The following PCDHGB3 variants were observed in gnomAD, a reference collection of about 807,000 sequenced individuals.
PCDHGB3 encodes protocadherin gamma-B3.
In PCDHGB3, 40 loss-of-function variants were observed where a neutral mutation model predicts 59.2. The observed-to-expected ratio is 0.68, with a 90% CI of 0.52 to 0.88. The LOEUF (loss-of-function observed/expected upper bound fraction) is 0.88, where lower values mean the gene tolerates loss of function less well. Among genes scored for constraint, PCDHGB3 ranks in the 40% least tolerant of loss-of-function variants. The pLI, the probability that PCDHGB3 is intolerant of heterozygous loss-of-function variation, is 0.00. For synonymous variants in PCDHGB3, 581 were observed against 503.6 expected (o/e 1.15, Z -2.06); for missense variants, 1,309 against 1,187.9 (o/e 1.10, Z -1.50).
chr5:141,376,736 G>T (rs1158010904), intron 1 of PCDHGB3: 1 of 522,720 alleles, frequency 1.9e-6, no homozygotes, highest in Non-Finnish European at 3.2e-6. Flanking sequence ...CCGGACTGCG[G>T]ACTGCAGTGG....
At chr5:141,499,115 C>T (rs940275925) in intron 2 of PCDHGB3, among the ~76,000 whole-genome samples, 16 of 152,124 alleles carry the variant, frequency 1.1e-4, no homozygotes, top group African/African-American at 3.9e-4. Context: ...CACCACTATC[C>T]CTTCTCAGGT....
At chr5:141,379,960 T>C (rs1490584684) in intron 1 of PCDHGB3, among the ~76,000 whole-genome samples, 1 of 140,094 alleles carries the variant, frequency 7.1e-6, no homozygotes, top group East Asian at 2.3e-4. Flanking sequence ...AATGCAGTGG[T>C]GTGATCTCTG....
chr5:141,466,646 T>C (rs954003023), intron 1 of PCDHGB3, among the ~76,000 whole-genome samples: 11 of 152,210 alleles, frequency 7.2e-5, no homozygotes, highest in African/African-American at 2.4e-4. Context: ...CATAAACTTT[T>C]CACAAAACAT....
In PCDHGB3 at chr5:141,487,762, T is replaced by C; in HGVS notation, c.2416-7045T>C. 6.5e-7 allele frequency: 1 copy of C among 1,545,432 alleles called. No homozygotes were observed. The highest frequency in any genetic ancestry group is 8.8e-7 in the Non-Finnish European group (1 of 1,142,332). ...TAAGAGGTAACTATGTGGTAGACGC[T>C]GTGCTTTGTAACTGTTTCGTGAATT... On this transcript the variant is annotated intron_variant, in intron 1 of 3. Coordinates refer to ENST00000576222, the MANE Select transcript of PCDHGB3 (RefSeq NM_018924.5). The surrounding 1 kb of genome is among the most constrained non-coding windows in gnomAD (Gnocchi z 5.0).
intron 1 of PCDHGB3, chr5:141,378,636 G>A (rs1775063094): frequency 6.6e-6 from 1 of 152,168 alleles, no homozygotes; most frequent in African/African-American, 2.4e-5. Context: ...CTGGTGAATG[G>A]GAGAACAAAT....
chr5:141,372,491 C>A lies in PCDHGB3; in HGVS notation c.2097C>A (p.Ile699=), dbSNP rs1413236125. The change falls in exon 1 of 4, where the codon ATC becomes ATA. Residue 699 remains isoleucine, a synonymous_variant. Coordinates refer to ENST00000576222, the MANE Select transcript of PCDHGB3 (RefSeq NM_018924.5). Reference sequence around the variant, plus strand: ...ACCTAGTAGTGGCGTTGGCCTTGATCTCAGTGCTCTTCCTCCTCGCGGTGA... The same window carrying A: ...ACCTAGTAGTGGCGTTGGCCTTGATATCAGTGCTCTTCCTCCTCGCGGTGA... ...QFHLVVALAL[I]SVLFLLAVIL... The A allele has an allele frequency of 1.2e-6, 2 of 1,613,944 alleles. No individual in the cohort carries two copies. Among genetic ancestry groups the A allele is most frequent in the Non-Finnish European group, 1.7e-6 (2 of 1,179,904 alleles).
At chr5:141,421,824 A>G in intron 1 of PCDHGB3, 1 of 1,613,768 alleles carries the variant, frequency 6.2e-7, no homozygotes, top group Non-Finnish European at 8.5e-7. Flanking sequence ...TACTGGAGGG[A>G]AGCCTGGACC....
chr5:141,436,638 A>G (rs2097838155), intron 1 of PCDHGB3, among the ~76,000 whole-genome samples: 1 of 152,194 alleles, frequency 6.6e-6, no homozygotes, highest in Non-Finnish European at 1.5e-5. Flanking sequence ...ACATGCAATT[A>G]ATTAACAGTA....
At chr5:141,412,987 A>T (rs192699644) in intron 1 of PCDHGB3, 1 of 564,522 alleles carries the variant, frequency 1.8e-6, no homozygotes, top group African/African-American at 1.9e-5. Flanking sequence ...GCCAGAGCTC[A>T]ATCCGGATTC....
Position 141,485,098 on chromosome 5 carries a change from A to G in PCDHGB3, c.2416-9709A>G, listed in dbSNP as rs2099606903. ...CGGGGAAAGGGAGATAGGTGTCTCCAGCTGCTGTGGCTGTTTGGGGCGGGT... is the reference window on the plus strand; with the variant it reads ...CGGGGAAAGGGAGATAGGTGTCTCCGGCTGCTGTGGCTGTTTGGGGCGGGT... On this transcript the variant is annotated intron_variant, in intron 1 of 3. Transcript: ENST00000576222. This position sits in a 1 kb window ranked among gnomAD's most constrained non-coding sequence, Gnocchi z 5.7. 8.8e-7 allele frequency: 1 copy of G among 1,134,792 alleles called. No individual in the cohort carries two copies. Among genetic ancestry groups the G allele is most frequent in the South Asian group, 1.4e-5 (1 of 71,796 alleles). The allele number at this position is 1,134,792 out of a possible 1,614,324, so 70.3% of individuals were successfully genotyped here. A position where few individuals can be genotyped will look rare whatever the true frequency, so the allele number is the denominator to read the frequency against.
rs572603287 is a variant in PCDHGB3 at position 141,477,037 on chromosome 5, G to T, written c.2416-17770G>T. 19 of 1,614,266 alleles carry T rather than the reference G, an allele frequency of 1.2e-5. No homozygotes were observed. In the East Asian group the frequency reaches 3.8e-4, roughly 32 times the overall value. Reference sequence around the variant, plus strand: ...TTGTAACCGGGATGCTGACAATCAAGGGTCGGCTGGACTTCGAGGACACCA... The same window carrying T: ...TTGTAACCGGGATGCTGACAATCAATGGTCGGCTGGACTTCGAGGACACCA... On this transcript the variant is annotated intron_variant, in intron 1 of 3. Transcript: ENST00000576222. The surrounding 1 kb of genome is among the most constrained non-coding windows in gnomAD (Gnocchi z 4.9).
At chr5:141,464,279 C>CA (rs373828487) in intron 1 of PCDHGB3, among the ~76,000 whole-genome samples, 31,576 of 137,520 alleles carry the variant, frequency 0.23, 3,494 homozygotes, top group African/African-American at 0.28. Context: ...AAAAAAAAAG[C>CA]AAAAAAAAAA....
At chr5:141,408,313 T>A (rs375849626) in intron 1 of PCDHGB3, 28 of 1,613,640 alleles carry the variant, frequency 1.7e-5, no homozygotes, top group Non-Finnish European at 2.0e-5. Flanking sequence ...GCTACTCGAT[T>A]CCGGAGGAGC....
Position 141,486,695 on chromosome 5 carries a change from A to T in PCDHGB3, c.2416-8112A>T. On this transcript the variant is annotated intron_variant, in intron 1 of 3. Coordinates refer to ENST00000576222, the MANE Select transcript of PCDHGB3 (RefSeq NM_018924.5). The surrounding 1 kb of genome is among the most constrained non-coding windows in gnomAD (Gnocchi z 5.0). ...TCGAGATGTATCAGCTTCCTCTTTC[A>T]TCTCTCTGAACCCCCAGACAGGAGC... The T allele has an allele frequency of 6.2e-7, 1 of 1,613,912 alleles. No homozygotes were observed. The highest frequency in any genetic ancestry group is 8.5e-7 in the Non-Finnish European group (1 of 1,179,980).
At chr5:141,461,013 C>G (rs981329088) in intron 1 of PCDHGB3, among the ~76,000 whole-genome samples, 2 of 148,522 alleles carry the variant, frequency 1.3e-5, no homozygotes, top group Non-Finnish European at 3.0e-5. Flanking sequence ...ATATATATAC[C>G]ACATTTTCTT....
chr5:141,490,051 G>A lies in PCDHGB3; in HGVS notation c.2416-4756G>A, dbSNP rs779280988. The A allele has an allele frequency of 6.2e-6, 10 of 1,614,094 alleles. No homozygotes were observed. Among genetic ancestry groups the A allele is most frequent in the Admixed American group, 5.0e-5 (3 of 60,012 alleles). ...CCGCCTCAATGCCACTGATCCAGAC[G>A]AGGGCACCAACGGCCAACTAGACTA... On this transcript the variant is annotated intron_variant, in intron 1 of 3. Coordinates refer to ENST00000576222, the MANE Select transcript of PCDHGB3 (RefSeq NM_018924.5). The surrounding 1 kb of genome is among the most constrained non-coding windows in gnomAD (Gnocchi z 5.4).
intron 1 of PCDHGB3, chr5:141,418,509 G>T: frequency 6.2e-7 from 1 of 1,613,986 alleles, no homozygotes; most frequent in Non-Finnish European, 8.5e-7. Flanking sequence ...GCCTTAGATG[G>T]TGGGGACCCT....
intron 1 of PCDHGB3, chr5:141,409,895 C>T (rs928044268): frequency 2.5e-6 from 4 of 1,613,098 alleles, no homozygotes; most frequent in Non-Finnish European, 3.4e-6. Flanking sequence ...GGTGCTGTAC[C>T]CAGCTCTGGG....
intron 2 of PCDHGB3, among the ~76,000 whole-genome samples, chr5:141,502,576 T>C (rs1226513508): frequency 6.6e-6 from 1 of 152,168 alleles, no homozygotes; most frequent in African/African-American, 2.4e-5. Flanking sequence ...ATTATAAAAA[T>C]ATATTTTTAT....
Sources: allele counts gnomAD v4.1 joint callset (sites outside exome capture counted in the v4.1 genomes callset), GRCh38; gene constraint gnomAD v4.1.1; non-coding constraint Gnocchi (gnomAD v3.1); transcripts MANE v1.5; gene names NCBI Gene and HGNC (gene_info 2026-07-23, HGNC 2026-07-21).